Variants in KCNN2 observed in about 807,000 individuals in gnomAD.
KCNN2 encodes the protein potassium calcium-activated channel subfamily N member 2.
A neutral mutation model predicts 55.5 loss-of-function variants in KCNN2; 24 were observed. The ratio of observed to expected loss-of-function variants is 0.43; its 90% CI spans 0.31 to 0.61. The LOEUF (loss-of-function observed/expected upper bound fraction) is 0.61, where lower values mean the gene tolerates loss of function less well. Among genes scored for constraint, KCNN2 ranks in the 20% least tolerant of loss-of-function variants. The pLI is 0.08. For synonymous variants in KCNN2, 431 were observed against 336.1 expected (o/e 1.28, Z -3.09); for missense variants, 754 against 853.6 (o/e 0.88, Z 1.45).
intron 3 of KCNN2, among the ~76,000 whole-genome samples, chr5:114,426,365 T>G (rs1382522291): frequency 6.6e-6 from 1 of 152,216 alleles, no homozygotes; most frequent in Non-Finnish European, 1.5e-5. Context: ...TGTATAATTC[T>G]TTTTACCTGT....
At chr5:114,062,072 A>T (rs1056214923) in intron 1 of KCNN2, among the ~76,000 whole-genome samples, 18 of 151,786 alleles carry the variant, frequency 1.2e-4, no homozygotes, top group Non-Finnish European at 2.1e-4. Context: ...AAATTTGCTT[A>T]TGGTTATTTA....
At chr5:114,247,367 A>T (rs565384609) in intron 2 of KCNN2, among the ~76,000 whole-genome samples, 1 of 152,048 alleles carries the variant, frequency 6.6e-6, no homozygotes, top group Non-Finnish European at 1.5e-5. Flanking sequence ...ATAAATGTTC[A>T]TGAAGTTTCC....
intron 1 of KCNN2, among the ~76,000 whole-genome samples, chr5:114,166,268 A>G (rs895937759): frequency 1.3e-5 from 2 of 152,116 alleles, no homozygotes; most frequent in Non-Finnish European, 2.9e-5. Flanking sequence ...AATGAGCCCA[A>G]GTATTTGTTT....
intron 2 of KCNN2, among the ~76,000 whole-genome samples, chr5:114,225,195 T>C (rs533833410): frequency 2.4e-4 from 37 of 152,348 alleles, no homozygotes; most frequent in African/African-American, 8.7e-4. Context: ...GTAATTTAAA[T>C]ATGGTGGTAG....
chr5:114,058,108 G>A (rs1262647783), intron 1 of KCNN2, among the ~76,000 whole-genome samples: 1 of 152,162 alleles, frequency 6.6e-6, no homozygotes, highest in African/African-American at 2.4e-5. Context: ...ATGTGAATAT[G>A]CTTAACAGCC....
rs530613517 is a variant in KCNN2 at position 114,160,576 on chromosome 5, G to A, written c.-270-60904G>A. ...GATATCCTTTTTAACTTTCTGTCTC[G>A]TTGATCTGTCTAATGTTGACAGTGG... On this transcript the variant is annotated intron_variant, in intron 1 of 10. Transcript: ENST00000512097. Among the ~76,000 whole-genome samples, 107 of 152,174 alleles carry A rather than the reference G, an allele frequency of 7.0e-4. 1 individual carries two copies. In the South Asian group the frequency reaches 0.016, roughly 22 times the overall value.
At chr5:114,493,986 CA>C (rs1747986398) in intron 7 of KCNN2, among the ~76,000 whole-genome samples, 1 of 152,036 alleles carries the variant, frequency 6.6e-6, no homozygotes, top group Non-Finnish European at 1.5e-5. Context: ...GTTCTTTCTC[CA>C]TTTCATTATT....
chr5:114,244,236 G>A (rs916552942), intron 2 of KCNN2, among the ~76,000 whole-genome samples: 2 of 152,080 alleles, frequency 1.3e-5, no homozygotes, highest in African/African-American at 4.8e-5. Context: ...GGAGCACGCA[G>A]TAAACAGACT....
Position 114,404,924 on chromosome 5 carries a change from A to T in KCNN2, c.1637+68A>T, listed in dbSNP as rs966425580. 9.0e-5 allele frequency: 127 copies of T among 1,415,862 alleles called. No individual in the cohort carries two copies. The African/African-American group carries it at 1.7e-3, about 18-fold the overall frequency. The allele number at this position is 1,415,862 out of a possible 1,614,324, so 87.7% of individuals were successfully genotyped here. A position where few individuals can be genotyped will look rare whatever the true frequency, so the allele number is the denominator to read the frequency against. ...TATCTTCACAAGTAAGAAAAAAAAA[A>T]TTTTAGACTTGAGACGTGTAGTGTC... On this transcript the variant is annotated intron_variant, in intron 3 of 7. Transcript: ENST00000673685.
intron 3 of KCNN2, among the ~76,000 whole-genome samples, chr5:114,432,138 G>A (rs1759816974): frequency 6.6e-6 from 1 of 152,216 alleles, no homozygotes; most frequent in Non-Finnish European, 1.5e-5. Context: ...TTTTCTGCCT[G>A]TTGGATCTAT....
intron 3 of KCNN2, among the ~76,000 whole-genome samples, chr5:114,429,818 C>CT (rs61595962): frequency 0.43 from 30,705 of 71,118 alleles, 7,511 homozygotes; most frequent in East Asian, 0.72. Context: ...TATATAGATG[C>CT]TTTTTTTTTT....
At chr5:114,408,174 G>A (rs538915684) in intron 3 of KCNN2, among the ~76,000 whole-genome samples, 45 of 151,248 alleles carry the variant, frequency 3.0e-4, no homozygotes, top group African/African-American at 1.0e-3. Context: ...AGGTAAGTCA[G>A]TGGCCACCTG....
chr5:114,421,438 C>A (rs1351182459), intron 3 of KCNN2, among the ~76,000 whole-genome samples: 18 of 151,972 alleles, frequency 1.2e-4, no homozygotes, highest in Admixed American at 1.2e-3. Flanking sequence ...TTACAGGCAC[C>A]TGCCACCATG....
chr5:114,493,518 AACC>A, intron 7 of KCNN2, 46 bp downstream of exon 7: 2 of 1,270,982 alleles, frequency 1.6e-6, no homozygotes, highest in South Asian at 2.4e-5. Context: ...TGTTGAAATC[AACC>A]ACTTCACAGT....
chr5:114,366,698 GC>G (rs962151155), intron 2 of KCNN2, among the ~76,000 whole-genome samples: 1 of 152,084 alleles, frequency 6.6e-6, no homozygotes, highest in Non-Finnish European at 1.5e-5. Flanking sequence ...ATGATGAATT[GC>G]CCCCCGCCCT....
chr5:114,312,424 C>CATATATATAT (rs1756414912), intron 2 of KCNN2, among the ~76,000 whole-genome samples: 1 of 60,234 alleles, frequency 1.7e-5, no homozygotes, highest in Non-Finnish European at 3.0e-5. Flanking sequence ...CACACACACA[C>CATATATATAT]ACACACACAC....
intron 1 of KCNN2, among the ~76,000 whole-genome samples, chr5:114,080,783 A>G (rs2974483): frequency 0.87 from 132,661 of 152,058 alleles, 58,037 homozygotes; most frequent in Non-Finnish European, 0.9. Flanking sequence ...AAGGCAAGGA[A>G]CTTGTTTTGC....
At chr5:114,359,471 TATTATTTTGG>T (rs1222932438), upstream of KCNN2, among the ~76,000 whole-genome samples, 10 of 152,198 alleles carry the variant, frequency 6.6e-5, no homozygotes, top group African/African-American at 2.4e-4. Context: ...CATTTTTGCC[TATTATTTTGG>T]TTTTGGAGCC....
intron 1 of KCNN2, among the ~76,000 whole-genome samples, chr5:114,166,883 C>T (rs1000837891): frequency 6.6e-6 from 1 of 152,088 alleles, no homozygotes; most frequent in Admixed American, 6.6e-5. Flanking sequence ...CACATTCCAT[C>T]TCTGTCTGCC....
Sources: allele counts gnomAD v4.1 joint callset (sites outside exome capture counted in the v4.1 genomes callset), GRCh38; gene constraint gnomAD v4.1.1; transcripts MANE v1.5; gene names NCBI Gene and HGNC (gene_info 2026-07-23, HGNC 2026-07-21).